The following SLC44A5 variants were observed in gnomAD, a reference collection of about 807,000 sequenced individuals.
SLC44A5 encodes solute carrier family 44 member 5, also known as choline transporter-like protein 5.
SLC44A5 carries 57 observed loss-of-function variants against 101.8 expected under a neutral mutation model. The ratio of observed to expected loss-of-function variants is 0.56; its 90% CI spans 0.45 to 0.70. The LOEUF (loss-of-function observed/expected upper bound fraction) is 0.70. Among genes scored for constraint, SLC44A5 ranks in the 30% least tolerant of loss-of-function variants. The pLI, the probability that SLC44A5 is intolerant of heterozygous loss-of-function variation, is 0.00. For synonymous variants in SLC44A5, 281 were observed against 290.9 expected, an observed-to-expected ratio of 0.97 and a Z score of 0.35; for missense variants, 737 against 853.1, an observed-to-expected ratio of 0.86 and a Z score of 1.70.
intron 3 of SLC44A5, among the ~76,000 whole-genome samples, chr1:75,367,345 G>T (rs184522032): frequency 6.6e-6 from 1 of 152,258 alleles, no homozygotes; most frequent in African/African-American, 2.4e-5. Flanking sequence ...CTCCTATGGG[G>T]TCCCTAAGCA....
At chr1:75,536,220 C>A (rs534179361) in intron 2 of SLC44A5, among the ~76,000 whole-genome samples, 41 of 152,224 alleles carry the variant, frequency 2.7e-4, no homozygotes, top group African/African-American at 9.6e-4. Context: ...TAACTTTTCT[C>A]TTTTTAAAAA....
At chr1:75,241,890 A>C (rs148341817) in intron 9 of SLC44A5, 111 bp downstream of exon 9, 10 of 849,932 alleles carry the variant, frequency 1.2e-5, no homozygotes, top group Non-Finnish European at 1.9e-5. Context: ...GACTTTAGGC[A>C]GTCAGAGGAC....
chr1:75,416,794 A>G (rs1663676313), intron 2 of SLC44A5, among the ~76,000 whole-genome samples: 1 of 152,066 alleles, frequency 6.6e-6, no homozygotes, highest in South Asian at 2.1e-4. Context: ...AAATTTGACT[A>G]CCCTGTTGGA....
At chr1:75,567,401 A>C (rs1347007736) in intron 1 of SLC44A5, among the ~76,000 whole-genome samples, 2 of 152,202 alleles carry the variant, frequency 1.3e-5, no homozygotes, top group Non-Finnish European at 2.9e-5. Flanking sequence ...ATATTACTAT[A>C]GATTATGAGC....
chr1:75,619,624 A>G, the SLC44A5 span, among the ~76,000 whole-genome samples: 1 of 152,272 alleles, frequency 6.6e-6, no homozygotes. Flanking sequence ...TATGTAGACT[A>G]TGAGCTATGT....
At chr1:75,564,364 G>A (rs993470700) in intron 1 of SLC44A5, among the ~76,000 whole-genome samples, 7 of 152,052 alleles carry the variant, frequency 4.6e-5, no homozygotes, top group African/African-American at 1.7e-4. Flanking sequence ...ACTATCAAAA[G>A]CTTATCAATT....
chr1:75,633,843 T>C, the SLC44A5 span, among the ~76,000 whole-genome samples: 2 of 152,194 alleles, frequency 1.3e-5, no homozygotes, highest in African/African-American at 4.8e-5. Flanking sequence ...TTCAGTATGA[T>C]ATTGGCTGTG....
At position 75,220,876 on chromosome 1, in the gene SLC44A5, A is replaced by G. The variant is rs77655493; in HGVS notation, c.1086-984T>C. Among the ~76,000 whole-genome samples, 884 of 152,220 alleles carry G rather than the reference A, an allele frequency of 5.8e-3. 11 individuals are homozygous for G. Among genetic ancestry groups the G allele is most frequent in the African/African-American group, 0.021 (854 of 41,556 alleles). ...TCTTTTCTCCATACACTGCTAAGTG[A>G]ATTATTGTGTGTCCTTAGGTTTACC... On this transcript the variant is annotated intron_variant, in intron 14 of 23. Coordinates refer to ENST00000370859, the MANE Select transcript of SLC44A5 (RefSeq NM_001130058.2).
the SLC44A5 span, among the ~76,000 whole-genome samples, chr1:75,651,649 A>G: frequency 6.9e-6 from 1 of 144,554 alleles, no homozygotes; most frequent in Admixed American, 7.3e-5. Context: ...GTGAGTCAAG[A>G]TCGCGCCATT....
the SLC44A5 span, among the ~76,000 whole-genome samples, chr1:75,657,039 C>T: frequency 0.49 from 74,673 of 151,960 alleles, 19,594 homozygotes; most frequent in East Asian, 0.93. Context: ...GTCCCAGGTA[C>T]TCTGTAGGCT....
intron 3 of SLC44A5, among the ~76,000 whole-genome samples, chr1:75,340,539 T>A (rs1320673162): frequency 2.0e-5 from 3 of 152,240 alleles, no homozygotes; most frequent in Non-Finnish European, 4.4e-5. Flanking sequence ...TGCTTCTCTT[T>A]TTTGGACAGC....
chr1:75,653,155 A>G, the SLC44A5 span, among the ~76,000 whole-genome samples: 3 of 152,190 alleles, frequency 2.0e-5, no homozygotes, highest in Admixed American at 2.0e-4. Context: ...CAAGTTTTTT[A>G]TGATTATGAA....
intron 2 of SLC44A5, among the ~76,000 whole-genome samples, chr1:75,516,374 CG>C (rs1669833027): frequency 6.6e-6 from 1 of 151,886 alleles, no homozygotes; most frequent in Admixed American, 6.6e-5. Context: ...ATTAGCCGGG[CG>C]TGGTGGTGGC....
At chr1:75,304,242 G>A (rs1654736948) in intron 4 of SLC44A5, among the ~76,000 whole-genome samples, 2 of 151,836 alleles carry the variant, frequency 1.3e-5, no homozygotes, top group African/African-American at 4.8e-5. Context: ...TTCTAAATTT[G>A]TTTCTGTAGC....
intron 6 of SLC44A5, among the ~76,000 whole-genome samples, chr1:75,273,547 T>C (rs1651667258): frequency 6.6e-6 from 1 of 152,098 alleles, no homozygotes; most frequent in African/African-American, 2.4e-5. Flanking sequence ...TTGAGGTAAG[T>C]CCCTTCTATT....
At chr1:75,303,523 C>T (rs1179285889) in intron 4 of SLC44A5, among the ~76,000 whole-genome samples, 4 of 152,132 alleles carry the variant, frequency 2.6e-5, no homozygotes, top group South Asian at 4.1e-4. Flanking sequence ...CGTGAGCCAC[C>T]GCACCCGGCG....
chr1:75,642,485 G>A, the SLC44A5 span, among the ~76,000 whole-genome samples: 1 of 151,980 alleles, frequency 6.6e-6, no homozygotes, highest in Admixed American at 6.6e-5. Context: ...CAAGATTTGT[G>A]TCTATGTCTG....
At chr1:75,242,146 T>G in intron 8 of SLC44A5, 85 bp from the exon 9 acceptor site, 1 of 992,536 alleles carries the variant, frequency 1.0e-6, no homozygotes, top group South Asian at 1.5e-5. Context: ...TTTAAAAAAT[T>G]TAACTCCATA....
chr1:75,573,151 A>G (rs1485716432), intron 1 of SLC44A5, among the ~76,000 whole-genome samples: 1 of 149,840 alleles, frequency 6.7e-6, no homozygotes, highest in Admixed American at 6.6e-5. Flanking sequence ...AAAAAAAAAA[A>G]AAAGGAAATA....
Sources: gnomAD v4.1 joint callset for allele counts (sites outside exome capture counted in the v4.1 genomes callset) on GRCh38, gnomAD v4.1.1 for gene constraint, MANE v1.5 for transcripts, NCBI Gene and HGNC (gene_info 2026-07-23, HGNC 2026-07-21) for gene names.